DGKG: variants seen among roughly 807,000 people sequenced by gnomAD.
DGKG encodes the protein DAG kinase gamma.
DGKG carries 78 observed loss-of-function variants against 105.3 expected under a neutral mutation model. The observed-to-expected ratio is 0.74, with a 90% CI of 0.62 to 0.89. The LOEUF (loss-of-function observed/expected upper bound fraction) is 0.89. Among genes scored for constraint, DGKG ranks in the 40% least tolerant of loss-of-function variants. The probability of loss-of-function intolerance (pLI) is 0.00; values close to 1 mark genes in which losing one functional copy is unlikely to be tolerated. For missense variants in DGKG, 958 were observed against 1,020.1 expected (o/e 0.94, Z 0.83); for synonymous variants, 346 against 367.1 (o/e 0.94, Z 0.66).
At chr3:186,224,255 C>G (rs1408615067) in intron 20 of DGKG, among the ~76,000 whole-genome samples, 1 of 152,168 alleles carries the variant, frequency 6.6e-6, no homozygotes, top group Non-Finnish European at 1.5e-5. Context: ...AATCCATGGT[C>G]CAGAAGAACA....
At chr3:186,238,792 C>T (rs1174623747) in intron 20 of DGKG, among the ~76,000 whole-genome samples, 1 of 152,184 alleles carries the variant, frequency 6.6e-6, no homozygotes, top group Non-Finnish European at 1.5e-5. Context: ...GTTCTTGCTC[C>T]ATTAATGAAA....
intron 2 of DGKG, among the ~76,000 whole-genome samples, chr3:186,314,351 G>A (rs763675672): frequency 6.6e-6 from 1 of 152,042 alleles, no homozygotes; most frequent in African/African-American, 2.4e-5. Flanking sequence ...TTTTACTATC[G>A]ACCTTCTTTC....
At chr3:186,358,514 G>A (rs1280986771) in intron 1 of DGKG, among the ~76,000 whole-genome samples, 6 of 152,156 alleles carry the variant, frequency 3.9e-5, no homozygotes. Flanking sequence ...CTTTGTGTGT[G>A]TGTGTGTGTG....
chr3:186,230,619 C>T (rs570542531), intron 20 of DGKG, among the ~76,000 whole-genome samples: 5 of 152,198 alleles, frequency 3.3e-5, no homozygotes, highest in South Asian at 2.1e-4. Flanking sequence ...GGACCACAAA[C>T]GTGTCCCAGG....
intron 1 of DGKG, among the ~76,000 whole-genome samples, chr3:186,348,367 CTTT>C (rs1303442403): frequency 1.2e-4 from 6 of 48,282 alleles, no homozygotes; most frequent in Admixed American, 1.2e-3. Flanking sequence ...TTGCTGGGTG[CTTT>C]TTTTTTTTTT....
At chr3:186,264,537 G>A (rs1721951691) in intron 14 of DGKG, among the ~76,000 whole-genome samples, 2 of 152,206 alleles carry the variant, frequency 1.3e-5, no homozygotes, top group Non-Finnish European at 2.9e-5. Context: ...CTGCTGCGAT[G>A]ACAGGCGTGA....
At chr3:186,222,807 A>G (rs1478442830) in intron 20 of DGKG, among the ~76,000 whole-genome samples, 1 of 151,192 alleles carries the variant, frequency 6.6e-6, no homozygotes. Flanking sequence ...GTGACACCCC[A>G]TCTCTACTAA....
chr3:186,205,644 G>T (rs1221572168), intron 21 of DGKG, among the ~76,000 whole-genome samples: 1 of 151,322 alleles, frequency 6.6e-6, no homozygotes, highest in Non-Finnish European at 1.5e-5. Context: ...CAGGAGGAAG[G>T]GGTTTCAGTG....
At chr3:186,216,595 C>T (rs779945034) in intron 20 of DGKG, among the ~76,000 whole-genome samples, 24 of 152,082 alleles carry the variant, frequency 1.6e-4, no homozygotes, top group Admixed American at 1.3e-3. Flanking sequence ...TTCTCCTCTG[C>T]CTCGTCTTCC....
chr3:186,243,895 G>GTTTTTTTTTTTTTTT (rs34134152), intron 19 of DGKG, among the ~76,000 whole-genome samples: 16 of 116,334 alleles, frequency 1.4e-4, no homozygotes, highest in African/African-American at 5.5e-4. Context: ...AAATTTCTGT[G>GTTTTTTTTTTTTTTT]TTTTTTTTTT....
intron 6 of DGKG, among the ~76,000 whole-genome samples, 187 bp downstream of exon 6, chr3:186,288,523 T>A (rs969993681): frequency 9.2e-5 from 14 of 152,202 alleles, no homozygotes; most frequent in African/African-American, 3.4e-4. Context: ...ACTGGCAATA[T>A]GTCCCAGGGT....
At chr3:186,358,318 G>T (rs1426150961) in intron 1 of DGKG, among the ~76,000 whole-genome samples, 2 of 152,218 alleles carry the variant, frequency 1.3e-5, no homozygotes, top group South Asian at 2.1e-4. Flanking sequence ...ACATCTCTAG[G>T]GTGGGCTTCC....
chr3:186,330,317 G>A (rs529056037), intron 1 of DGKG, among the ~76,000 whole-genome samples: 1 of 152,322 alleles, frequency 6.6e-6, no homozygotes, highest in South Asian at 2.1e-4. Flanking sequence ...TATTTTGTAA[G>A]TTACATAAGT....
At chr3:186,278,156 T>A (rs1722669156) in intron 9 of DGKG, among the ~76,000 whole-genome samples, 1 of 152,004 alleles carries the variant, frequency 6.6e-6, no homozygotes, top group Non-Finnish European at 1.5e-5. Context: ...GTCTTTTCCA[T>A]GCAAAGAGTT....
At chr3:186,230,700 T>G (rs898862053) in intron 20 of DGKG, among the ~76,000 whole-genome samples, 1 of 152,034 alleles carries the variant, frequency 6.6e-6, no homozygotes, top group African/African-American at 2.4e-5. Context: ...AGAGGGTGGC[T>G]GAGGAAATCC....
chr3:186,193,914 G>A (rs1718038864), intron 21 of DGKG, among the ~76,000 whole-genome samples: 1 of 152,362 alleles, frequency 6.6e-6, no homozygotes, highest in African/African-American at 2.4e-5. Context: ...TGCGCTGGGC[G>A]GAACCAGGGA....
At chr3:186,236,587 T>A (rs1345258991) in intron 20 of DGKG, among the ~76,000 whole-genome samples, 1 of 152,246 alleles carries the variant, frequency 6.6e-6, no homozygotes, top group Admixed American at 6.5e-5. Context: ...TATAAATAGT[T>A]ACTAAGTGCT....
intron 2 of DGKG, 112 bp downstream of exon 2, chr3:186,320,281 G>C (rs1387425541): frequency 7.7e-7 from 1 of 1,299,332 alleles, no homozygotes; most frequent in Non-Finnish European, 1.1e-6. Context: ...AAGCCGTCAG[G>C]CCTGACATCA....
At chr3:186,297,610 G>T in intron 4 of DGKG, 127 bp from the exon 5 acceptor site, 1 of 705,648 alleles carries the variant, frequency 1.4e-6, no homozygotes, top group Non-Finnish European at 2.5e-6. Context: ...TTATGTGTCA[G>T]CTGGGTTCAT....
Sources: allele counts gnomAD v4.1 joint callset (sites outside exome capture counted in the v4.1 genomes callset), GRCh38; gene constraint gnomAD v4.1.1; transcripts MANE v1.5; gene names NCBI Gene and HGNC (gene_info 2026-07-23, HGNC 2026-07-21).